Variants in DMTF1 observed in about 807,000 individuals in gnomAD.
DMTF1 encodes cyclin D binding myb like transcription factor 1.
In DMTF1, 39 loss-of-function variants were observed where a neutral mutation model predicts 91.1. The ratio of observed to expected loss-of-function variants is 0.43; its 90% CI spans 0.33 to 0.56. The LOEUF (loss-of-function observed/expected upper bound fraction) is 0.56. Among genes scored for constraint, DMTF1 ranks in the 20% least tolerant of loss-of-function variants. The pLI, the probability that DMTF1 is intolerant of heterozygous loss-of-function variation, is 0.05. For synonymous variants in DMTF1, 338 were observed against 309.5 expected, an observed-to-expected ratio of 1.09 and a Z score of -0.97; for missense variants, 750 against 914.5, an observed-to-expected ratio of 0.82 and a Z score of 2.32.
rs1198767834 is a variant in DMTF1, at chr7:87,156,595, C to T, written c.-132+4040C>T. Reference sequence around the variant, plus strand: ...AAGTGTGTAGTGTTCCTATTCGTATCTTGAATAAAGTTTGTGCTTATGAAG... The same window carrying T: ...AAGTGTGTAGTGTTCCTATTCGTATTTTGAATAAAGTTTGTGCTTATGAAG... On this transcript the variant is annotated intron_variant, in intron 1 of 17. Transcript: ENST00000331242. 2.0e-5 allele frequency among the ~76,000 whole-genome samples: 3 copies of T among 152,066 alleles called. No individual in the cohort carries two copies. In the East Asian group the frequency reaches 5.8e-4, roughly 29 times the overall value.
intron 12 of DMTF1, chr7:87,186,626 T>A (rs1798506595): frequency 6.6e-6 from 1 of 152,298 alleles, no homozygotes; most frequent in Non-Finnish European, 1.5e-5. Context: ...ATTTTTACTT[T>A]TTTTCTATGT....
At chr7:87,162,398 C>T (rs1375377017) in intron 1 of DMTF1, among the ~76,000 whole-genome samples, 2 of 152,048 alleles carry the variant, frequency 1.3e-5, no homozygotes, top group Non-Finnish European at 2.9e-5. Flanking sequence ...TGTTAGATGC[C>T]TACCTTGGTT....
intron 7 of DMTF1, among the ~76,000 whole-genome samples, chr7:87,177,983 T>C (rs1359952321): frequency 6.6e-6 from 1 of 152,170 alleles, no homozygotes; most frequent in Non-Finnish European, 1.5e-5. Context: ...TGCTCTTTTG[T>C]TATAAATTTA....
chr7:87,164,209 TCAAC>T (rs1793240276), intron 2 of DMTF1: 1 of 152,160 alleles, frequency 6.6e-6, no homozygotes, highest in Admixed American at 6.5e-5. Flanking sequence ...TCTGAAGACT[TCAAC>T]CAGGCTATTG....
chr7:87,155,530 C>A (rs1431270409), intron 1 of DMTF1: 2 of 152,006 alleles, frequency 1.3e-5, no homozygotes, highest in African/African-American at 4.8e-5. Context: ...AAGTAATTGC[C>A]AAATATTAAA....
chr7:87,188,336 G>C (rs549252865), intron 13 of DMTF1, 35 bp downstream of exon 13: 5 of 1,608,140 alleles, frequency 3.1e-6, no homozygotes, highest in Admixed American at 3.3e-5. Context: ...CTTGCTGTTT[G>C]ATCTATATGA....
In DMTF1 at chr7:87,190,902, T is replaced by C. The variant is rs188676771; in HGVS notation, c.1412-43T>C. 50 of 1,506,186 alleles carry C rather than the reference T, an allele frequency of 3.3e-5. No individual in the cohort carries two copies. In the African/African-American group the frequency reaches 6.5e-4, roughly 19 times the overall value. The allele number at this position is 1,506,186 out of a possible 1,614,324, so 93.3% of individuals were successfully genotyped here. On this transcript the variant is annotated intron_variant, in intron 13 of 17. Transcript: ENST00000331242. Reference sequence around the variant, plus strand: ...GAAACTTAAATTAACAAAACATTTATTGTAAATTATTCTTACCACAGCTTA... The same window carrying C: ...GAAACTTAAATTAACAAAACATTTACTGTAAATTATTCTTACCACAGCTTA...
intron 10 of DMTF1, among the ~76,000 whole-genome samples, chr7:87,183,801 G>A (rs940588959): frequency 6.6e-6 from 1 of 152,194 alleles, no homozygotes; most frequent in African/African-American, 2.4e-5. Context: ...GGGTTTATGG[G>A]TTGAGAAAAC....
chr7:87,190,860 T>C (rs1799595283), intron 13 of DMTF1, 85 bp from the exon 14 acceptor site: 37 of 1,116,098 alleles, frequency 3.3e-5, no homozygotes, highest in Non-Finnish European at 4.5e-5. Context: ...GCCTTTATGA[T>C]AATTGAGTAC....
At chr7:87,163,281 C>G (rs1013892175) in intron 1 of DMTF1, 3 of 148,652 alleles carry the variant, frequency 2.0e-5, no homozygotes, top group Non-Finnish European at 4.4e-5. Flanking sequence ...GGTTAAGAAA[C>G]TACCTGTGAA....
rs1793532577 is a variant in DMTF1 at position 87,165,162 on chromosome 7, A to G, written c.109+112A>G. 7.3e-6 allele frequency: 4 copies of G among 551,432 alleles called. No individual in the cohort carries two copies. The South Asian group carries it at 1.1e-4, about 16-fold the overall frequency. The allele number at this position is 551,432 out of a possible 1,614,324, so 34.2% of individuals were successfully genotyped here. A position where few individuals can be genotyped will look rare whatever the true frequency, so the allele number is the denominator to read the frequency against. On this transcript the variant is annotated intron_variant, in intron 3 of 17. Transcript: ENST00000331242. Reference sequence around the variant, plus strand: ...CTAGGTGCCTATGAGTTTAGGCTGCACAGTAGAAAAGGAGATTATCTCTTT... The same window carrying G: ...CTAGGTGCCTATGAGTTTAGGCTGCGCAGTAGAAAAGGAGATTATCTCTTT...
chr7:87,178,364 T>C (rs1356821487), intron 7 of DMTF1, among the ~76,000 whole-genome samples: 1 of 152,080 alleles, frequency 6.6e-6, no homozygotes, highest in Non-Finnish European at 1.5e-5. Context: ...TTTCTACATA[T>C]ATATCGCAAG....
chr7:87,178,842 A>G (rs928887460), intron 7 of DMTF1, among the ~76,000 whole-genome samples: 6 of 151,412 alleles, frequency 4.0e-5, no homozygotes, highest in Admixed American at 2.6e-4. Context: ...GGATTTACCT[A>G]TAATGTCATC....
rs1020320505 is a variant in DMTF1 at position 87,152,456 on chromosome 7, C to T, written c.-231C>T. The T allele has an allele frequency of 1.3e-5, 2 of 153,866 alleles. No homozygotes were observed. The highest frequency in any genetic ancestry group is 2.9e-5 in the Non-Finnish European group (2 of 68,178). 9.5% of individuals were successfully genotyped at this position (153,866 alleles called of 1,614,324 possible). On this transcript the variant is annotated 5_prime_UTR_variant, in exon 1 of 18. Transcript: ENST00000331242. The stretch of plus-strand genomic sequence containing the variant: ...CGGTGGCTCGTCGCGCTCGCTCACT[C>T]CAGCTGCAGCCACTCTCGCCCGTGG...
At chr7:87,159,653 ATATGG>A (rs1383284977) in intron 1 of DMTF1, among the ~76,000 whole-genome samples, 1 of 152,238 alleles carries the variant, frequency 6.6e-6, no homozygotes, top group African/African-American at 2.4e-5. Flanking sequence ...AAAATAGTAC[ATATGG>A]TATAACCCAT....
chr7:87,188,932 T>G (rs976279669), intron 13 of DMTF1, among the ~76,000 whole-genome samples: 2 of 152,188 alleles, frequency 1.3e-5, no homozygotes, highest in African/African-American at 4.8e-5. Flanking sequence ...AAAAAAGGAA[T>G]GAGGATGAAA....
intron 7 of DMTF1, 26 bp downstream of exon 7, chr7:87,174,695 T>A (rs774597825): frequency 1.3e-6 from 2 of 1,551,364 alleles, no homozygotes; most frequent in Non-Finnish European, 1.8e-6. Context: ...TTTTTATGTT[T>A]CACCAATTTG....
At position 87,190,851 on chromosome 7, in the gene DMTF1, C is replaced by T. The variant is rs1233150362; in HGVS notation, c.1412-94C>T. 4 of 968,246 alleles carry T rather than the reference C, an allele frequency of 4.1e-6. No individual in the cohort carries two copies. In the Admixed American group the frequency reaches 1.1e-4, roughly 26 times the overall value. The allele number at this position is 968,246 out of a possible 1,614,324, so 60.0% of individuals were successfully genotyped here. Reference sequence around the variant, plus strand: ...AGGCAAATTATTCAATATTAAATTGCCTTTATGATAATTGAGTACACTAGA... The same window carrying T: ...AGGCAAATTATTCAATATTAAATTGTCTTTATGATAATTGAGTACACTAGA... On this transcript the variant is annotated intron_variant, in intron 13 of 17. Coordinates refer to ENST00000331242, the MANE Select transcript of DMTF1 (RefSeq NM_001142327.2).
chr7:87,170,714 T>C (rs1794875226), intron 4 of DMTF1, among the ~76,000 whole-genome samples: 1 of 152,222 alleles, frequency 6.6e-6, no homozygotes, highest in South Asian at 2.1e-4. Flanking sequence ...ACGTAGTATC[T>C]TGTCCATTTT....
Sources: gnomAD v4.1 joint callset for allele counts (sites outside exome capture counted in the v4.1 genomes callset) on GRCh38, gnomAD v4.1.1 for gene constraint, MANE v1.5 for transcripts, NCBI Gene and HGNC (gene_info 2026-07-23, HGNC 2026-07-21) for gene names.